The following CACNB4 variants were observed in gnomAD, a reference collection of about 807,000 sequenced individuals.
The protein encoded by CACNB4 is calcium voltage-gated channel auxiliary subunit beta 4.
CACNB4 carries 32 observed loss-of-function variants against 71.2 expected under a neutral mutation model. The ratio of observed to expected loss-of-function variants is 0.45; its 90% CI spans 0.34 to 0.60. The LOEUF (loss-of-function observed/expected upper bound fraction) is 0.60. Among genes scored for constraint, CACNB4 ranks in the 20% least tolerant of loss-of-function variants. The pLI is 0.01. For synonymous variants in CACNB4, 231 were observed against 236.9 expected (o/e 0.97, Z 0.23); for missense variants, 464 against 647.9 (o/e 0.72, Z 3.08).
At chr2:151,911,579 G>GTA (rs1341109706) in intron 2 of CACNB4, among the ~76,000 whole-genome samples, 4 of 152,184 alleles carry the variant, frequency 2.6e-5, no homozygotes, top group Admixed American at 2.6e-4. Context: ...CAGTTTGCCA[G>GTA]TATTTTATTG....
At chr2:151,989,886 T>C (rs544983584) in intron 2 of CACNB4, among the ~76,000 whole-genome samples, 120 of 152,326 alleles carry the variant, frequency 7.9e-4, no homozygotes, top group Admixed American at 2.5e-3. Flanking sequence ...GAATCATCCT[T>C]GATGCTTCCC....
intron 2 of CACNB4, among the ~76,000 whole-genome samples, chr2:152,035,230 T>C (rs1222218466): frequency 1.3e-5 from 2 of 152,228 alleles, no homozygotes; most frequent in African/African-American, 4.8e-5. Context: ...ATTTATTCAC[T>C]GTCTTGCTCC....
intron 3 of CACNB4, 129 bp from the exon 4 acceptor site, chr2:151,881,051 T>C (rs898880991): frequency 5.5e-6 from 5 of 912,642 alleles, no homozygotes; most frequent in Admixed American, 6.1e-5. Flanking sequence ...GAGTTTTACA[T>C]TCTCAAGCAA....
At chr2:151,901,273 G>T (rs1041312813) in intron 2 of CACNB4, among the ~76,000 whole-genome samples, 25 of 152,012 alleles carry the variant, frequency 1.6e-4, no homozygotes, top group African/African-American at 6.0e-4. Flanking sequence ...ATGAGCCACC[G>T]TGCCTGGCCT....
intron 2 of CACNB4, among the ~76,000 whole-genome samples, chr2:151,950,901 A>G (rs1471130971): frequency 6.6e-6 from 1 of 152,176 alleles, no homozygotes; most frequent in Non-Finnish European, 1.5e-5. Context: ...TGGTCAGACA[A>G]TATTCTAAAT....
intron 2 of CACNB4, chr2:151,973,597 G>T (rs139660380): frequency 8.2e-6 from 11 of 1,342,350 alleles, no homozygotes; most frequent in East Asian, 4.7e-5. Flanking sequence ...AATAAGAAGC[G>T]GGGGGGTGGA....
At chr2:151,973,986 G>A (rs2099873297) in intron 2 of CACNB4, 1 of 1,190,154 alleles carries the variant, frequency 8.4e-7, no homozygotes. Context: ...ACTGAGCTAG[G>A]AAAGCGGCCT....
In CACNB4 at chr2:152,067,387, G is replaced by T. The variant is rs1047352362; in HGVS notation, c.147+30943C>A. 1.2e-4 allele frequency among the ~76,000 whole-genome samples: 17 copies of T among 144,548 alleles called. 1 individual carries two copies. Among genetic ancestry groups the T allele is most frequent in the African/African-American group, 3.1e-4 (11 of 35,644 alleles). The allele number at this position is 144,548 out of a possible 152,430, so 94.8% of individuals were successfully genotyped here. A position where few individuals can be genotyped will look rare whatever the true frequency, so the allele number is the denominator to read the frequency against. On this transcript the variant is annotated intron_variant, in intron 2 of 13. Transcript: ENST00000539935. ...TTGTTTTTTATAGAGATGTGTGTGT[G>T]TGGGGGGGGGGGTGCCTCTCACTGT...
At chr2:152,071,878 A>G (rs1560179326) in intron 2 of CACNB4, among the ~76,000 whole-genome samples, 1 of 152,242 alleles carries the variant, frequency 6.6e-6, no homozygotes, top group Non-Finnish European at 1.5e-5. Context: ...ACCAAGATGA[A>G]TGTGTAAGAA....
chr2:151,991,733 G>C (rs1258186343), intron 2 of CACNB4, among the ~76,000 whole-genome samples: 1 of 152,084 alleles, frequency 6.6e-6, no homozygotes, highest in Non-Finnish European at 1.5e-5. Flanking sequence ...AAAAAATCGT[G>C]AAAAACTATC....
rs893528432 is a variant in CACNB4, at chr2:151,901,365, C to T, written c.148-17995G>A. Among the ~76,000 whole-genome samples the T allele has an allele frequency of 3.9e-5, 6 of 151,930 alleles. 1 individual carries two copies. The highest frequency in any genetic ancestry group is 6.6e-5 in the Admixed American group (1 of 15,248). The stretch of plus-strand genomic sequence containing the variant: ...TCTATCTTCTGATGTTCAGCTGAGA[C>T]AAGGAGAAACTAATATCAGAGCTGA... On this transcript the variant is annotated intron_variant, in intron 2 of 13. Transcript: ENST00000539935.
chr2:151,862,210 G>A (rs1235462897), intron 9 of CACNB4, among the ~76,000 whole-genome samples: 7 of 152,200 alleles, frequency 4.6e-5, no homozygotes, highest in Non-Finnish European at 7.3e-5. Flanking sequence ...TGAAACATAT[G>A]TCATTTCATA....
chr2:151,968,598 A>C (rs1053487288), intron 2 of CACNB4: 3 of 152,094 alleles, frequency 2.0e-5, no homozygotes, highest in African/African-American at 7.2e-5. Context: ...TCCAAGCTGA[A>C]CCCCACAGAA....
In CACNB4 at chr2:152,098,190, G is replaced by A. The variant is rs2105501362; in HGVS notation, c.147+140C>T. The A allele has an allele frequency of 1.6e-6, 1 of 641,212 alleles. No homozygotes were observed. The highest frequency in any genetic ancestry group is 2.8e-6 in the Non-Finnish European group (1 of 363,504). The allele number at this position is 641,212 out of a possible 1,614,324, so 39.7% of individuals were successfully genotyped here. On this transcript the variant is annotated intron_variant, in intron 2 of 13. Coordinates refer to ENST00000539935, the MANE Select transcript of CACNB4 (RefSeq NM_000726.5). This position sits in a 1 kb window ranked among gnomAD's most constrained non-coding sequence, Gnocchi z 5.3. ...GGCTAGAGGGAGAGGGACTGAGCCC[G>A]AGCACCGGCCGAGGCCGGGAAGAGA...
intron 2 of CACNB4, among the ~76,000 whole-genome samples, chr2:152,095,217 T>G (rs1023084848): frequency 1.3e-5 from 2 of 152,248 alleles, no homozygotes; most frequent in African/African-American, 4.8e-5. Context: ...AGGGGCTTCA[T>G]GAGCAGTCCT....
intron 4 of CACNB4, among the ~76,000 whole-genome samples, chr2:151,878,138 AC>A: frequency 6.6e-6 from 1 of 152,294 alleles, no homozygotes; most frequent in East Asian, 1.9e-4. Flanking sequence ...TCAAAATGTA[AC>A]AATGATATGT....
chr2:152,049,019 T>C (rs775154753), intron 2 of CACNB4, among the ~76,000 whole-genome samples: 57 of 152,134 alleles, frequency 3.7e-4, no homozygotes, highest in Admixed American at 9.8e-4. Flanking sequence ...TAACAATCAA[T>C]TGCAATTTCT....
At chr2:151,879,801 A>G (rs1181625757) in intron 4 of CACNB4, 1 of 152,274 alleles carries the variant, frequency 6.6e-6, no homozygotes, top group Admixed American at 6.5e-5. Flanking sequence ...TAGCTCAAAC[A>G]GCAGCCAGGA....
At chr2:151,862,452 A>G (rs1162948435) in intron 9 of CACNB4, among the ~76,000 whole-genome samples, 1 of 152,200 alleles carries the variant, frequency 6.6e-6, no homozygotes, top group African/African-American at 2.4e-5. Context: ...TTAAAATTTT[A>G]GAACTGTTAG....
Sources: gnomAD v4.1 joint callset for allele counts (sites outside exome capture counted in the v4.1 genomes callset) on GRCh38, gnomAD v4.1.1 for gene constraint, Gnocchi (gnomAD v3.1) non-coding constraint, MANE v1.5 for transcripts, NCBI Gene and HGNC (gene_info 2026-07-23, HGNC 2026-07-21) for gene names.